Variants in CCDC126 observed in about 807,000 individuals in gnomAD.
CCDC126 encodes the protein coiled-coil domain containing 126, also known as coiled-coil domain-containing protein 126.
CCDC126 carries 5 observed loss-of-function variants against 11.7 expected under a neutral mutation model. The observed-to-expected ratio is 0.43, with a 90% CI of 0.22 to 0.90. The LOEUF is 0.90. Ranked by LOEUF, CCDC126 falls within the 40% of genes least tolerant of loss-of-function variation. The pLI is 0.27. For synonymous variants in CCDC126, 60 were observed against 61.9 expected (o/e 0.97, Z 0.14); for missense variants, 150 against 163.1 (o/e 0.92, Z 0.44).
At chr7:23,634,865 CACT>C (rs2128021351) in intron 3 of CCDC126, among the ~76,000 whole-genome samples, 1 of 152,284 alleles carries the variant, frequency 6.6e-6, no homozygotes, top group East Asian at 1.9e-4. Flanking sequence ...TCTGGTAAAT[CACT>C]ACATTCTCCC....
intron 2 of CCDC126, among the ~76,000 whole-genome samples, chr7:23,606,687 A>G (rs1416464576): frequency 2.6e-5 from 4 of 152,126 alleles, no homozygotes; most frequent in African/African-American, 4.8e-5. Context: ...TGACTTCTGC[A>G]GTTGGTTGAG....
intron 3 of CCDC126, among the ~76,000 whole-genome samples, chr7:23,635,092 C>G (rs1783186453): frequency 6.6e-6 from 1 of 152,176 alleles, no homozygotes; most frequent in South Asian, 2.1e-4. Flanking sequence ...ATTTGATCTT[C>G]TCCCAGAATA....
At chr7:23,603,841 T>C (rs1782579355) in intron 2 of CCDC126, among the ~76,000 whole-genome samples, 1 of 152,126 alleles carries the variant, frequency 6.6e-6, no homozygotes, top group African/African-American at 2.4e-5. Flanking sequence ...TTCACTAGGC[T>C]CTGTGGGGGA....
At chr7:23,616,716 G>A (rs940815430) in intron 3 of CCDC126, among the ~76,000 whole-genome samples, 54 of 152,230 alleles carry the variant, frequency 3.5e-4, no homozygotes, top group African/African-American at 1.3e-3. Flanking sequence ...ATCTTGTAAG[G>A]TCTGTGTCCC....
intron 2 of CCDC126, among the ~76,000 whole-genome samples, chr7:23,602,668 A>G (rs755958602): frequency 2.9e-4 from 44 of 152,184 alleles, no homozygotes; most frequent in Non-Finnish European, 7.3e-5. Flanking sequence ...GAAGAATTCT[A>G]AAGGTTTTGT....
intron 3 of CCDC126, chr7:23,622,863 C>G (rs187733925): frequency 2.5e-6 from 1 of 394,624 alleles, no homozygotes; most frequent in South Asian, 2.1e-5. Flanking sequence ...TTTCTGCAAC[C>G]AATGTTCTCT....
Position 23,611,397 on chromosome 7 carries a change from A to T in CCDC126, c.82A>T (p.Met28Leu). Residue 28 changes from methionine to leucine, a missense_variant, in exon 3 of 4, where the codon ATG (methionine) becomes TTG (leucine). Transcript: ENST00000307471. ...LLVFGLIWGLMLLHYTFQQPR... is the reference protein window; with the variant it reads ...LLVFGLIWGLLLLHYTFQQPR... Reference sequence around the variant, plus strand: ...TGTATTTGGACTCATTTGGGGATTGATGTTACTGCACTATACTTTTCAACA... The same window carrying T: ...TGTATTTGGACTCATTTGGGGATTGTTGTTACTGCACTATACTTTTCAACA... 1 of 1,613,944 alleles carries T rather than the reference A, an allele frequency of 6.2e-7. No homozygotes were observed. Among genetic ancestry groups the T allele is most frequent in the South Asian group, 1.1e-5 (1 of 91,076 alleles).
intron 3 of CCDC126, among the ~76,000 whole-genome samples, chr7:23,616,834 T>C (rs1443124447): frequency 6.6e-6 from 1 of 152,214 alleles, no homozygotes; most frequent in Non-Finnish European, 1.5e-5. Context: ...AATTCTGGGA[T>C]ATTTTCTTAA....
chr7:23,635,872 C>T (rs1332777386), intron 3 of CCDC126, among the ~76,000 whole-genome samples: 4 of 145,474 alleles, frequency 2.7e-5, no homozygotes, highest in African/African-American at 1.1e-4. Context: ...CCCTGCTCTC[C>T]CTCTCCCTCT....
chr7:23,609,592 G>A (rs1431791014), intron 2 of CCDC126, among the ~76,000 whole-genome samples: 1 of 152,226 alleles, frequency 6.6e-6, no homozygotes, highest in Non-Finnish European at 1.5e-5. Flanking sequence ...GTTCCTGCCA[G>A]TGCTGTGGCT....
At chr7:23,633,515 C>T (rs972029572) in intron 3 of CCDC126, among the ~76,000 whole-genome samples, 5 of 151,970 alleles carry the variant, frequency 3.3e-5, no homozygotes, top group African/African-American at 1.2e-4. Context: ...TCTTCCTTTA[C>T]TGCTAGTAGC....
Position 23,624,272 on chromosome 7 carries a change from AC to A in CCDC126, c.238+12721del, listed in dbSNP as rs113180162. Among the ~76,000 whole-genome samples the A allele has an allele frequency of 1.7e-4, 26 of 152,250 alleles. 2 individuals carry two copies. The highest frequency in any genetic ancestry group is 4.3e-4 in the African/African-American group (18 of 41,552). On this transcript the variant is annotated intron_variant, in intron 3 of 3. Transcript: ENST00000307471. ...TATTCTAAATGCCTGTGTTCACTTC[AC>A]CATCTTTACCTGGGAATGCCCTGGA...
At chr7:23,613,100 C>T (rs1242684141) in intron 3 of CCDC126, among the ~76,000 whole-genome samples, 1 of 152,070 alleles carries the variant, frequency 6.6e-6, no homozygotes, top group Non-Finnish European at 1.5e-5. Flanking sequence ...TGCTTGAGTC[C>T]AGGAGTTTGA....
At chr7:23,622,471 T>C (rs1199748281) in intron 3 of CCDC126, 4 of 426,312 alleles carry the variant, frequency 9.4e-6, no homozygotes, top group South Asian at 7.6e-5. Context: ...TCTTCTCTGA[T>C]ACCAACTTTA....
intron 3 of CCDC126, among the ~76,000 whole-genome samples, chr7:23,616,727 A>T (rs1362439823): frequency 2.0e-5 from 3 of 152,138 alleles, no homozygotes; most frequent in Non-Finnish European, 4.4e-5. Context: ...TCTGTGTCCC[A>T]CACCATTCTA....
intron 3 of CCDC126, among the ~76,000 whole-genome samples, chr7:23,634,306 G>A (rs1050060065): frequency 6.6e-6 from 1 of 152,070 alleles, no homozygotes; most frequent in African/African-American, 2.4e-5. Context: ...GCATGGTGGT[G>A]TGTGCCTGTA....
intron 3 of CCDC126, among the ~76,000 whole-genome samples, chr7:23,617,441 G>A (rs976972999): frequency 5.3e-5 from 8 of 151,002 alleles, no homozygotes; most frequent in Admixed American, 3.3e-4. Context: ...TTTCTGAAGC[G>A]TTTTTATGTT....
chr7:23,637,974 AGCCCCCCGCCCG>A (rs1783269666), intron 3 of CCDC126, among the ~76,000 whole-genome samples: 1 of 117,290 alleles, frequency 8.5e-6, no homozygotes, highest in Admixed American at 8.6e-5. Context: ...TGGGGGGGTC[AGCCCCCCGCCCG>A]GCCAGCCGCC....
intron 2 of CCDC126, among the ~76,000 whole-genome samples, chr7:23,600,294 A>G (rs937038699): frequency 2.0e-5 from 3 of 150,886 alleles, no homozygotes; most frequent in Admixed American, 6.6e-5. Flanking sequence ...CTTAGCTGGA[A>G]TTTTAGTGTA....
Sources: gnomAD v4.1 joint callset for allele counts (sites outside exome capture counted in the v4.1 genomes callset) on GRCh38, gnomAD v4.1.1 for gene constraint, MANE v1.5 for transcripts, NCBI Gene and HGNC (gene_info 2026-07-23, HGNC 2026-07-21) for gene names.